SGCZ: variants seen among roughly 807,000 people sequenced by gnomAD.
SGCZ encodes the protein sarcoglycan zeta, also known as zeta-sarcoglycan.
In SGCZ, 40 loss-of-function variants were observed where a neutral mutation model predicts 41.3. That is an observed-to-expected ratio of 0.97 (90% confidence interval 0.75 to 1.26). The LOEUF is 1.26. Ranked by LOEUF, SGCZ falls within the 50% of genes most tolerant of loss-of-function variation. The pLI, the probability that SGCZ is intolerant of heterozygous loss-of-function variation, is 0.00. For synonymous variants in SGCZ, 206 were observed against 137.5 expected (o/e 1.50, Z -3.49); for missense variants, 552 against 369.8 (o/e 1.49, Z -4.04).
intron 2 of SGCZ, among the ~76,000 whole-genome samples, chr8:14,356,490 A>G (rs1803296326): frequency 1.3e-5 from 2 of 152,140 alleles, no homozygotes; most frequent in South Asian, 2.1e-4. Context: ...GAAATAATAA[A>G]TCTAGAGGAC....
chr8:14,123,655 G>C (rs1460866796), intron 5 of SGCZ, among the ~76,000 whole-genome samples: 7 of 152,088 alleles, frequency 4.6e-5, no homozygotes, highest in Admixed American at 4.6e-4. Context: ...CTATCTTCTA[G>C]CAGTTTTCAA....
Position 15,150,863 on chromosome 8 carries a change from G to A in SGCZ, c.39+86722C>T, listed in dbSNP as rs192014252. ...ACTATTTGCAGCTGACTAAAGTCTGGTGGGTAGTCTCTAAAATGGCCTCCA... is the reference window on the plus strand; with the variant it reads ...ACTATTTGCAGCTGACTAAAGTCTGATGGGTAGTCTCTAAAATGGCCTCCA... On this transcript the variant is annotated intron_variant, in intron 1 of 7. Coordinates refer to ENST00000382080, the MANE Select transcript of SGCZ (RefSeq NM_139167.4). Among the ~76,000 whole-genome samples, 76 of 152,234 alleles carry A rather than the reference G, an allele frequency of 5.0e-4. 2 individuals carry two copies. The highest frequency in any genetic ancestry group is 4.3e-3 in the Admixed American group (66 of 15,294).
intron 2 of SGCZ, among the ~76,000 whole-genome samples, chr8:14,425,839 G>A (rs1799766360): frequency 6.6e-6 from 1 of 151,720 alleles, no homozygotes; most frequent in Non-Finnish European, 1.5e-5. Flanking sequence ...TAAAGAGTAA[G>A]GACCAAGTAA....
intron 1 of SGCZ, among the ~76,000 whole-genome samples, chr8:14,686,597 T>C (rs1808619037): frequency 6.6e-6 from 1 of 152,026 alleles, no homozygotes; most frequent in African/African-American, 2.4e-5. Context: ...TTTCAGCTTC[T>C]GGAGATCATG....
chr8:14,886,326 AG>A (rs1258804147), intron 1 of SGCZ, among the ~76,000 whole-genome samples: 1 of 152,034 alleles, frequency 6.6e-6, no homozygotes, highest in African/African-American at 2.4e-5. Flanking sequence ...CATATATCCT[AG>A]TTATAAAAAC....
At chr8:14,983,801 G>A (rs919693794) in intron 1 of SGCZ, among the ~76,000 whole-genome samples, 2 of 152,094 alleles carry the variant, frequency 1.3e-5, no homozygotes, top group Admixed American at 1.3e-4. Context: ...TCTACTGCCT[G>A]AGCTCCTCCA....
chr8:15,018,671 G>T (rs186008985), intron 1 of SGCZ, among the ~76,000 whole-genome samples: 81 of 152,310 alleles, frequency 5.3e-4, no homozygotes, highest in African/African-American at 1.9e-3. Context: ...CAAAGGTGAA[G>T]ATTTATGGAA....
chr8:14,240,350 A>AT (rs1798832298), intron 3 of SGCZ, among the ~76,000 whole-genome samples: 12 of 129,342 alleles, frequency 9.3e-5, no homozygotes, highest in African/African-American at 3.5e-4. Context: ...AAAAAAAAAA[A>AT]AAAAAGAACT....
chr8:15,157,356 C>T (rs556676340), intron 1 of SGCZ, among the ~76,000 whole-genome samples: 16 of 151,988 alleles, frequency 1.1e-4, no homozygotes, highest in Middle Eastern at 3.4e-3. Flanking sequence ...CCACTGCACA[C>T]CAGCCACACT....
chr8:14,772,028 C>T (rs745614971), intron 1 of SGCZ, among the ~76,000 whole-genome samples: 2 of 152,088 alleles, frequency 1.3e-5, no homozygotes, highest in African/African-American at 4.8e-5. Flanking sequence ...GAAAGTGATA[C>T]GTGTTCAGTA....
intron 1 of SGCZ, among the ~76,000 whole-genome samples, chr8:14,865,572 G>T (rs931041846): frequency 6.6e-6 from 1 of 152,080 alleles, no homozygotes; most frequent in Non-Finnish European, 1.5e-5. Context: ...AGCATGACAC[G>T]TTTTGCATTC....
At chr8:15,020,665 G>C (rs183727740) in intron 1 of SGCZ, among the ~76,000 whole-genome samples, 22 of 152,270 alleles carry the variant, frequency 1.4e-4, no homozygotes, top group African/African-American at 3.9e-4. Flanking sequence ...CTTTCTAATA[G>C]AGTGAATTAT....
At chr8:15,120,885 A>G (rs1036869447) in intron 1 of SGCZ, among the ~76,000 whole-genome samples, 1 of 152,132 alleles carries the variant, frequency 6.6e-6, no homozygotes, top group African/African-American at 2.4e-5. Flanking sequence ...GGTGGTAGCT[A>G]TCAGCCCCGG....
chr8:14,960,512 A>C (rs1800929274), intron 1 of SGCZ, among the ~76,000 whole-genome samples: 1 of 152,148 alleles, frequency 6.6e-6, no homozygotes, highest in Admixed American at 6.6e-5. Context: ...ATGCCACTGC[A>C]AGCAGCTGAA....
rs184655850 is a variant in SGCZ at position 15,217,835 on chromosome 8, C to G, written c.39+19750G>C. ...TGTGCGTGGCATTCATGCCTATAATCCCAGCACTTTGGGAGGCTGAGTTGG... is the reference window on the plus strand; with the variant it reads ...TGTGCGTGGCATTCATGCCTATAATGCCAGCACTTTGGGAGGCTGAGTTGG... On this transcript the variant is annotated intron_variant, in intron 1 of 7. Coordinates refer to ENST00000382080, the MANE Select transcript of SGCZ (RefSeq NM_139167.4). Among the ~76,000 whole-genome samples, 982 of 152,260 alleles carry G rather than the reference C, an allele frequency of 6.4e-3. 11 individuals are homozygous for G. The highest frequency in any genetic ancestry group is 6.9e-3 in the Admixed American group (106 of 15,302).
intron 1 of SGCZ, among the ~76,000 whole-genome samples, chr8:15,052,584 T>A (rs1422068544): frequency 6.6e-6 from 1 of 152,126 alleles, no homozygotes; most frequent in East Asian, 1.9e-4. Context: ...TAGTGTATTT[T>A]CTGAGGCTTT....
intron 3 of SGCZ, among the ~76,000 whole-genome samples, chr8:14,241,696 T>C (rs541510968): frequency 1.6e-4 from 24 of 152,202 alleles, no homozygotes; most frequent in Admixed American, 7.9e-4. Flanking sequence ...CGCCTTCTTA[T>C]GTCACTCTTT....
intron 1 of SGCZ, among the ~76,000 whole-genome samples, chr8:14,873,012 G>C (rs978244082): frequency 6.6e-6 from 1 of 152,170 alleles, no homozygotes; most frequent in African/African-American, 2.4e-5. Flanking sequence ...TTCATGATGT[G>C]TGGTTCCAGA....
intron 1 of SGCZ, among the ~76,000 whole-genome samples, chr8:14,880,612 A>G (rs1247917720): frequency 6.6e-6 from 1 of 152,220 alleles, no homozygotes; most frequent in East Asian, 1.9e-4. Flanking sequence ...ACCATGTGAT[A>G]CTATGCAGCC....
Sources: allele counts gnomAD v4.1 joint callset (sites outside exome capture counted in the v4.1 genomes callset), GRCh38; gene constraint gnomAD v4.1.1; transcripts MANE v1.5; gene names NCBI Gene and HGNC (gene_info 2026-07-23, HGNC 2026-07-21).